Variants in SLAIN2 observed in about 807,000 individuals in gnomAD.
The protein encoded by SLAIN2 is SLAIN family member 2, also known as SLAIN motif-containing protein 2.
A neutral mutation model predicts 56.6 loss-of-function variants in SLAIN2; 31 were observed. The observed-to-expected ratio is 0.55, with a 90% CI of 0.41 to 0.74. SLAIN2 has a LOEUF of 0.74. SLAIN2 is among the 30% of genes least tolerant of loss of function. The probability of loss-of-function intolerance (pLI) is 0.00; values close to 1 mark genes in which losing one functional copy is unlikely to be tolerated. For synonymous variants in SLAIN2, 317 were observed against 284.9 expected (o/e 1.11, Z -1.13); for missense variants, 777 against 754.2 (o/e 1.03, Z -0.35).
At chr4:48,361,787 AT>A (rs1200183887) in intron 1 of SLAIN2, among the ~76,000 whole-genome samples, 1 of 151,620 alleles carries the variant, frequency 6.6e-6, no homozygotes, top group Non-Finnish European at 1.5e-5. Context: ...TGTCAGTCTT[AT>A]GTTCAGATCT....
At chr4:48,377,663 T>G (rs1431143776) in intron 2 of SLAIN2, among the ~76,000 whole-genome samples, 1 of 152,316 alleles carries the variant, frequency 6.6e-6, no homozygotes, top group Non-Finnish European at 1.5e-5. Context: ...TAGGAGTTAC[T>G]CTTCCTGCAT....
chr4:48,355,509 G>T (rs924896144), intron 1 of SLAIN2, among the ~76,000 whole-genome samples: 3 of 151,946 alleles, frequency 2.0e-5, no homozygotes, highest in Non-Finnish European at 4.4e-5. Flanking sequence ...TGTGCTTTCT[G>T]ATCATCTCAG....
chr4:48,357,201 A>G (rs1047313574), intron 1 of SLAIN2, among the ~76,000 whole-genome samples: 7 of 152,034 alleles, frequency 4.6e-5, no homozygotes, highest in African/African-American at 1.4e-4. Context: ...CACTATGAAC[A>G]ATCTAGAAGT....
chr4:48,403,891 C>T (rs987657866), intron 6 of SLAIN2, among the ~76,000 whole-genome samples: 13 of 152,078 alleles, frequency 8.5e-5, no homozygotes, highest in African/African-American at 2.4e-4. Context: ...GCTGTGGTGG[C>T]GTGGGCTTGT....
At chr4:48,389,200 A>G (rs80305467) in intron 6 of SLAIN2, among the ~76,000 whole-genome samples, 4,270 of 152,350 alleles carry the variant, frequency 0.028, 65 homozygotes, top group Admixed American at 0.045. Flanking sequence ...ATGTTGGCTC[A>G]GTTATCTAAT....
intron 2 of SLAIN2, among the ~76,000 whole-genome samples, chr4:48,375,449 T>A (rs547785882): frequency 2.4e-4 from 37 of 152,320 alleles, no homozygotes; most frequent in Middle Eastern, 3.4e-3. Flanking sequence ...AGCTGATTTC[T>A]TTTCTTTAAC....
chr4:48,377,190 A>G (rs1715841428), intron 2 of SLAIN2, among the ~76,000 whole-genome samples: 1 of 150,312 alleles, frequency 6.7e-6, no homozygotes, highest in Non-Finnish European at 1.5e-5. Context: ...AAAAATATAT[A>G]TATATTTTTT....
chr4:48,407,342 A>T (rs1188000809), intron 6 of SLAIN2, among the ~76,000 whole-genome samples: 1 of 151,802 alleles, frequency 6.6e-6, no homozygotes, highest in African/African-American at 2.4e-5. Context: ...AGTGTTTGTC[A>T]CTCCGATTTA....
intron 1 of SLAIN2, among the ~76,000 whole-genome samples, chr4:48,346,972 C>T (rs1714883718): frequency 6.6e-6 from 1 of 151,604 alleles, no homozygotes; most frequent in Non-Finnish European, 1.5e-5. Flanking sequence ...CTGTGCCTTG[C>T]CCTCTATTCC....
intron 1 of SLAIN2, among the ~76,000 whole-genome samples, chr4:48,365,483 A>G (rs960819549): frequency 5.4e-5 from 8 of 147,076 alleles, no homozygotes; most frequent in African/African-American, 1.5e-4. Flanking sequence ...TTCCCCCTAT[A>G]CTTTTCTGTT....
chr4:48,372,055 T>C (rs554522775), intron 2 of SLAIN2, among the ~76,000 whole-genome samples: 4 of 148,892 alleles, frequency 2.7e-5, no homozygotes, highest in African/African-American at 1.0e-4. Context: ...TATATACATA[T>C]ATATATATAC....
intron 7 of SLAIN2, among the ~76,000 whole-genome samples, chr4:48,421,638 A>G (rs140114436): frequency 8.5e-5 from 13 of 152,234 alleles, no homozygotes; most frequent in African/African-American, 2.6e-4. Flanking sequence ...TCACTGTCCC[A>G]TACTGCCTTT....
chr4:48,394,824 A>G (rs548212341), intron 6 of SLAIN2, among the ~76,000 whole-genome samples: 1 of 152,312 alleles, frequency 6.6e-6, no homozygotes, highest in Non-Finnish European at 1.5e-5. Flanking sequence ...CAGAAGAAAC[A>G]TTTTCTACAG....
intron 1 of SLAIN2, among the ~76,000 whole-genome samples, chr4:48,363,932 CCCA>C (rs1715426381): frequency 7.9e-6 from 1 of 127,124 alleles, no homozygotes. Flanking sequence ...GGCTGACCCC[CCCA>C]CCTCCCTCCC....
At chr4:48,371,410 A>AT (rs1715661027) in intron 2 of SLAIN2, among the ~76,000 whole-genome samples, 1 of 152,046 alleles carries the variant, frequency 6.6e-6, no homozygotes, top group South Asian at 2.1e-4. Context: ...CCTTTATGTG[A>AT]TTTTTTAAAT....
chr4:48,393,404 G>GTGTGTGTGTGTGTGTC (rs1716285092), intron 6 of SLAIN2, among the ~76,000 whole-genome samples: 1 of 151,026 alleles, frequency 6.6e-6, no homozygotes. Context: ...GTGTGTGTGT[G>GTGTGTGTGTGTGTGTC]TGTGTGTGTG....
At chr4:48,411,539 A>C (rs539694666) in intron 6 of SLAIN2, among the ~76,000 whole-genome samples, 1 of 150,910 alleles carries the variant, frequency 6.6e-6, no homozygotes, top group South Asian at 2.1e-4. Context: ...CCCTGCTTTT[A>C]TCTGGACTTC....
chr4:48,407,506 T>C (rs961107152), intron 6 of SLAIN2, among the ~76,000 whole-genome samples: 2 of 152,198 alleles, frequency 1.3e-5, no homozygotes, highest in Admixed American at 6.5e-5. Flanking sequence ...TTAAATTCTT[T>C]TTTTTCTTGT....
intron 1 of SLAIN2, among the ~76,000 whole-genome samples, chr4:48,346,072 A>C (rs1171876412): frequency 6.6e-6 from 1 of 152,240 alleles, no homozygotes; most frequent in Admixed American, 6.5e-5. Flanking sequence ...CTACATTACT[A>C]TCACCAACCT....
Sources: gnomAD v4.1 joint callset for allele counts (sites outside exome capture counted in the v4.1 genomes callset) on GRCh38, gnomAD v4.1.1 for gene constraint, MANE v1.5 for transcripts, NCBI Gene and HGNC (gene_info 2026-07-23, HGNC 2026-07-21) for gene names.